COQ9: variants seen among roughly 807,000 people sequenced by gnomAD.
The protein encoded by COQ9 is coenzyme Q9.
A neutral mutation model predicts 42.4 loss-of-function variants in COQ9; 35 were observed. The observed-to-expected ratio is 0.83, with a 90% CI of 0.63 to 1.10. COQ9 has a LOEUF of 1.10. Among genes scored for constraint, COQ9 ranks in the 50% least tolerant of loss-of-function variants. The pLI is 0.00. For missense variants in COQ9, 406 were observed against 414.6 expected (o/e 0.98, Z 0.18); for synonymous variants, 155 against 155.1 (o/e 1.00, Z 0.00).
intron 5 of COQ9, 111 bp downstream of exon 5, chr16:57,457,126 C>G (rs777751633): frequency 1.2e-6 from 1 of 855,674 alleles, no homozygotes; most frequent in Non-Finnish European, 2.0e-6. Context: ...GCTTCTCAAT[C>G]TCTATAAACC....
At chr16:57,455,757 T>C (rs1238646452) in intron 3 of COQ9, among the ~76,000 whole-genome samples, 1 of 151,728 alleles carries the variant, frequency 6.6e-6, no homozygotes, top group East Asian at 1.9e-4. Flanking sequence ...CAGATGGAAG[T>C]TTGGACATGA....
intron 3 of COQ9, 187 bp from the exon 4 acceptor site, chr16:57,456,317 T>G (rs187006447): frequency 3.1e-6 from 2 of 653,438 alleles, no homozygotes; most frequent in Admixed American, 4.4e-5. Context: ...GATCCCACTC[T>G]TGCACACACA....
intron 5 of COQ9, among the ~76,000 whole-genome samples, chr16:57,457,618 C>T (rs1455936182): frequency 5.9e-5 from 9 of 152,170 alleles, no homozygotes; most frequent in Non-Finnish European, 7.3e-5. Flanking sequence ...CTACTAAGCA[C>T]GTAGTTTCAG....
chr16:57,450,980 C>T, intron 1 of COQ9, 60 bp from the exon 2 acceptor site: 1 of 1,583,904 alleles, frequency 6.3e-7, no homozygotes, highest in African/African-American at 1.3e-5. Context: ...TGTGTTACCA[C>T]TCTGGGTCTG....
rs2030497703 is a variant in COQ9 at position 57,460,035 on chromosome 16, C to T, written c.868-16C>T. ...GTGTTGGTGGCCTAAGGGAACCTGA[C>T]ACTGACTCCTTCTAGGTAAAGTCCA... On this transcript the variant is annotated splice_polypyrimidine_tract_variant and intron_variant, in intron 7 of 8. Transcript: ENST00000262507. The T allele has an allele frequency of 6.2e-7, 1 of 1,613,722 alleles. No homozygotes were observed. The highest frequency in any genetic ancestry group is 8.5e-7 in the Non-Finnish European group (1 of 1,179,828).
In COQ9 at chr16:57,460,576, A is replaced by G; in HGVS notation, c.922-13A>G. On this transcript the variant is annotated splice_polypyrimidine_tract_variant and intron_variant, in intron 8 of 8. Transcript: ENST00000262507. ...AGCCCTCACTATTCTCTTTATTTCC[A>G]TTCCCGTGTCAGCTCAAGAACTTGA... The G allele has an allele frequency of 6.2e-7, 1 of 1,613,828 alleles. No homozygotes were observed. The highest frequency in any genetic ancestry group is 8.5e-7 in the Non-Finnish European group (1 of 1,179,724).
At chr16:57,452,718 A>G in intron 2 of COQ9, 83 bp from the exon 3 acceptor site, 5 of 1,463,390 alleles carry the variant, frequency 3.4e-6, no homozygotes, top group Non-Finnish European at 4.8e-6. Flanking sequence ...TGCTTAGAGG[A>G]GATCCAGAGC....
Position 57,459,594 on chromosome 16 carries a change from G to C in COQ9, c.741G>C (p.Leu247=). The part of the protein sequence containing the change: ...DFNWYTRRAM[L]AAIYNTTELV... ...ACTGGTACACCCGCCGAGCCATGCT[G>C]GCTGCCATCTACAACACAACAGAGC... The change falls in exon 7 of 9, where the codon CTG becomes CTC. Residue 247 remains leucine, a synonymous_variant. Coordinates refer to ENST00000262507, the MANE Select transcript of COQ9 (RefSeq NM_020312.4). The C allele has an allele frequency of 6.2e-7, 1 of 1,614,174 alleles. No individual in the cohort carries two copies. The highest frequency in any genetic ancestry group is 8.5e-7 in the Non-Finnish European group (1 of 1,180,028).
intron 1 of COQ9, among the ~76,000 whole-genome samples, chr16:57,449,462 G>T (rs773551126): frequency 1.3e-5 from 2 of 152,008 alleles, no homozygotes; most frequent in African/African-American, 4.8e-5. Flanking sequence ...ATACTGATAG[G>T]CATAAAAATA....
chr16:57,460,726 A>T lies in COQ9; in HGVS notation c.*102A>T. ...CCATCCACATAACCTGGTGTTCACG[A>T]GAACACACTAAAGGACTCCTGAGTC... On this transcript the variant is annotated 3_prime_UTR_variant, in exon 9 of 9. Coordinates refer to ENST00000262507, the MANE Select transcript of COQ9 (RefSeq NM_020312.4). The T allele has an allele frequency of 4.5e-6, 5 of 1,112,586 alleles. No individual in the cohort carries two copies. Among genetic ancestry groups the T allele is most frequent in the Non-Finnish European group, 5.4e-6 (4 of 737,656 alleles). 68.9% of individuals were successfully genotyped at this position (1,112,586 alleles called of 1,614,324 possible).
At chr16:57,452,152 T>A (rs1360020676) in intron 2 of COQ9, among the ~76,000 whole-genome samples, 6 of 152,212 alleles carry the variant, frequency 3.9e-5, no homozygotes, top group African/African-American at 1.4e-4. Flanking sequence ...TAATATAGCA[T>A]TACTCCTGCC....
intron 8 of COQ9, 99 bp from the exon 9 acceptor site, chr16:57,460,490 G>T (rs1477790988): frequency 3.0e-6 from 3 of 987,332 alleles, no homozygotes; most frequent in Non-Finnish European, 4.3e-6. Context: ...ATGCAAAAAA[G>T]AAAAAAAAAA....
chr16:57,450,473 A>G (rs2030259930), intron 1 of COQ9, among the ~76,000 whole-genome samples: 1 of 151,934 alleles, frequency 6.6e-6, no homozygotes, highest in South Asian at 2.1e-4. Context: ...AAAAAATACT[A>G]TGAGTTTATG....
At chr16:57,450,283 C>T (rs775620168) in intron 1 of COQ9, among the ~76,000 whole-genome samples, 6 of 151,844 alleles carry the variant, frequency 4.0e-5, no homozygotes, top group Non-Finnish European at 7.4e-5. Flanking sequence ...AGAGTGGTGG[C>T]GGGTGCCTGT....
At position 57,459,549 on chromosome 16, in the gene COQ9, G is replaced by C; in HGVS notation, c.712-16G>C. 1 of 1,614,060 alleles carries C rather than the reference G, an allele frequency of 6.2e-7. No homozygotes were observed. The highest frequency in any genetic ancestry group is 8.5e-7 in the Non-Finnish European group (1 of 1,179,996). ...ACTTGCACCAGCCCACAGCGGTAGT[G>C]TGGGTTTCTTTACAGTTTAACTGGT... On this transcript the variant is annotated splice_polypyrimidine_tract_variant and intron_variant, in intron 6 of 8. Transcript: ENST00000262507.
rs768074134 is a variant in COQ9, at chr16:57,460,091, G to A, written c.908G>A (p.Gly303Asp). 2.5e-6 allele frequency: 4 copies of A among 1,614,120 alleles called. No homozygotes were observed. In the Admixed American group the frequency reaches 5.0e-5, roughly 20 times the overall value. ...GAGGCACTGGTGCAAGGACTCATGGGTGCAGCAGTGACGGTGAGTACTGCC... is the reference window on the plus strand; with the variant it reads ...GAGGCACTGGTGCAAGGACTCATGGATGCAGCAGTGACGGTGAGTACTGCC... ...TGEALVQGLM[G>D]AAVTLKNLTG... The change falls in exon 8 of 9, where the codon GGT becomes GAT. Residue 303 changes from glycine (G) to aspartate (D), a missense_variant. Transcript: ENST00000262507.
intron 3 of COQ9, 79 bp downstream of exon 3, chr16:57,453,015 T>C: frequency 6.3e-7 from 1 of 1,581,892 alleles, no homozygotes; most frequent in Non-Finnish European, 8.7e-7. Context: ...GGGGGCCTCA[T>C]GCCTTCTTCC....
intron 3 of COQ9, among the ~76,000 whole-genome samples, chr16:57,454,997 C>T (rs1438059372): frequency 1.3e-5 from 2 of 152,102 alleles, no homozygotes; most frequent in African/African-American, 4.8e-5. Flanking sequence ...TCAAAATGCT[C>T]ATTTTGGCTG....
intron 7 of COQ9, 89 bp from the exon 8 acceptor site, chr16:57,459,962 G>A: frequency 1.5e-6 from 2 of 1,291,522 alleles, no homozygotes; most frequent in Middle Eastern, 2.3e-4. Context: ...TCACCTTTTG[G>A]GGCTCATAGG....
Sources: gnomAD v4.1 joint callset for allele counts (sites outside exome capture counted in the v4.1 genomes callset) on GRCh38, gnomAD v4.1.1 for gene constraint, MANE v1.5 for transcripts, NCBI Gene and HGNC (gene_info 2026-07-23, HGNC 2026-07-21) for gene names.